Variants in CARNMT1 observed in about 807,000 individuals in gnomAD.
CARNMT1 encodes the protein protein-L-histidine N-pros-methyltransferase CARNMT1.
CARNMT1 carries 28 observed loss-of-function variants against 49.6 expected under a neutral mutation model. The observed-to-expected ratio is 0.56, with a 90% CI of 0.42 to 0.77. The LOEUF (loss-of-function observed/expected upper bound fraction) is 0.77, where lower values mean the gene tolerates loss of function less well. Ranked by LOEUF, CARNMT1 falls within the 30% of genes least tolerant of loss-of-function variation. The pLI, the probability that CARNMT1 is intolerant of heterozygous loss-of-function variation, is 0.00. For synonymous variants in CARNMT1, 178 were observed against 175.0 expected (o/e 1.02, Z -0.13); for missense variants, 421 against 512.6 (o/e 0.82, Z 1.73).
At position 75,028,186 on chromosome 9, in the gene CARNMT1, C is replaced by T; in HGVS notation, c.56G>A (p.Gly19Glu). The change falls in exon 1 of 8, where the codon GGG (glycine) becomes GAG (glutamate). Residue 19 changes from glycine (G) to glutamate (E), a missense_variant. By Grantham distance (98) the Gly-to-Glu change is moderately conservative (BLOSUM62 -2). This residue lies in a region of CARNMT1 where 186 missense variants were observed against 167.9 expected (regional missense o/e 1.11). Transcript: ENST00000376834. Reference sequence around the variant, plus strand: ...CTCCTCGCTGCCACCGCCTCCTCCCCCGCAGCCCTCGGGCAGCCGGGAGGT... The same window carrying T: ...CTCCTCGCTGCCACCGCCTCCTCCCTCGCAGCCCTCGGGCAGCCGGGAGGT... The part of the protein sequence containing the change: ...PPTSRLPEGC[G>E]GGGGGSEEVE... The T allele has an allele frequency of 2.7e-6, 4 of 1,507,496 alleles. No homozygotes were observed. In the South Asian group the frequency reaches 5.0e-5, roughly 19 times the overall value. The allele number at this position is 1,507,496 out of a possible 1,614,324, so 93.4% of individuals were successfully genotyped here. A position where few individuals can be genotyped will look rare whatever the true frequency, so the allele number is the denominator to read the frequency against.
intron 1 of CARNMT1, among the ~76,000 whole-genome samples, chr9:75,021,158 G>A (rs1822339377): frequency 1.3e-5 from 2 of 150,682 alleles, no homozygotes; most frequent in Admixed American, 1.3e-4. Context: ...AAAAGATTTA[G>A]CCCAACAGCT....
chr9:75,003,023 C>A (rs1587273396), intron 3 of CARNMT1, among the ~76,000 whole-genome samples: 1 of 152,240 alleles, frequency 6.6e-6, no homozygotes, highest in East Asian at 1.9e-4. Flanking sequence ...CAGGCATGAG[C>A]CACCACACCC....
At chr9:75,023,935 C>G (rs1231794851) in intron 1 of CARNMT1, among the ~76,000 whole-genome samples, 1 of 152,214 alleles carries the variant, frequency 6.6e-6, no homozygotes, top group Non-Finnish European at 1.5e-5. Flanking sequence ...TGGTTCTGAA[C>G]TAAGTCAGCA....
At chr9:74,997,142 A>G (rs1833211389) in intron 5 of CARNMT1, among the ~76,000 whole-genome samples, 1 of 152,184 alleles carries the variant, frequency 6.6e-6, no homozygotes, top group Non-Finnish European at 1.5e-5. Flanking sequence ...TGCTGGTGCA[A>G]TAAAGGCACT....
At chr9:74,995,528 G>A (rs1833162075) in intron 6 of CARNMT1, among the ~76,000 whole-genome samples, 1 of 152,036 alleles carries the variant, frequency 6.6e-6, no homozygotes, top group South Asian at 2.1e-4. Context: ...GCTTTCATCT[G>A]GTCCTAAGGA....
intron 3 of CARNMT1, among the ~76,000 whole-genome samples, chr9:75,004,336 T>C (rs1833444174): frequency 6.6e-6 from 1 of 152,224 alleles, no homozygotes; most frequent in Non-Finnish European, 1.5e-5. Context: ...CATCTTAACG[T>C]GGTTTTTACA....
At chr9:74,996,419 A>C (rs756055581) in intron 6 of CARNMT1, 28 bp downstream of exon 6, 15 of 1,237,262 alleles carry the variant, frequency 1.2e-5, no homozygotes, top group Non-Finnish European at 7.0e-6. Context: ...TTAATATACA[A>C]AATTTTAGTA....
chr9:74,999,149 T>A (rs939349564), intron 4 of CARNMT1, among the ~76,000 whole-genome samples: 2 of 152,180 alleles, frequency 1.3e-5, no homozygotes, highest in African/African-American at 2.4e-5. Flanking sequence ...TTTCCCTTTT[T>A]CACCAATCCC....
intron 3 of CARNMT1, among the ~76,000 whole-genome samples, chr9:75,012,332 G>GCTGGAGTT (rs1833718354): frequency 1.3e-5 from 2 of 150,592 alleles, no homozygotes; most frequent in African/African-American, 4.9e-5. Flanking sequence ...TACTGGCCAG[G>GCTGGAGTT]CTGGAGTTCA....
intron 3 of CARNMT1, 135 bp downstream of exon 3, chr9:75,016,133 T>C (rs911303817): frequency 3.2e-6 from 2 of 629,716 alleles, no homozygotes; most frequent in African/African-American, 1.8e-5. Context: ...CAATAACAAA[T>C]GTTAACACTT....
intron 3 of CARNMT1, among the ~76,000 whole-genome samples, chr9:75,001,904 G>A (rs993086057): frequency 6.6e-6 from 1 of 152,100 alleles, no homozygotes; most frequent in Non-Finnish European, 1.5e-5. Context: ...CTTAAACCAG[G>A]CTGAATTTTT....
chr9:75,006,933 A>G (rs902955831), intron 3 of CARNMT1, among the ~76,000 whole-genome samples: 2 of 152,154 alleles, frequency 1.3e-5, no homozygotes, highest in African/African-American at 4.8e-5. Context: ...ACACTGTTAT[A>G]CTAATTAATG....
intron 1 of CARNMT1, among the ~76,000 whole-genome samples, chr9:75,022,161 A>G (rs1327610481): frequency 1.3e-5 from 2 of 151,860 alleles, no homozygotes; most frequent in East Asian, 1.9e-4. Context: ...ATAATTTAGG[A>G]AAAAAATTAG....
intron 6 of CARNMT1, among the ~76,000 whole-genome samples, chr9:74,989,285 A>T (rs1314749835): frequency 1.3e-5 from 2 of 151,554 alleles, no homozygotes; most frequent in African/African-American, 4.9e-5. Context: ...TAATTTTTAA[A>T]CTTTTTTTTT....
chr9:75,011,661 C>A (rs1342488889), intron 3 of CARNMT1, among the ~76,000 whole-genome samples: 1 of 152,204 alleles, frequency 6.6e-6, no homozygotes, highest in African/African-American at 2.4e-5. Context: ...AGCCTTGACA[C>A]CCAGCTCTGT....
intron 1 of CARNMT1, among the ~76,000 whole-genome samples, chr9:75,024,073 T>C (rs2118878275): frequency 6.6e-6 from 1 of 152,304 alleles, no homozygotes; most frequent in South Asian, 2.1e-4. Context: ...TCAACTCTGA[T>C]TTAGTCACCT....
intron 6 of CARNMT1, chr9:74,996,156 G>A (rs1833183076): frequency 8.7e-6 from 2 of 230,172 alleles, no homozygotes; most frequent in East Asian, 2.1e-4. Context: ...CTCAGCATGT[G>A]GGATGGTGAT....
intron 1 of CARNMT1, among the ~76,000 whole-genome samples, chr9:75,026,872 G>A (rs1200582262): frequency 6.6e-6 from 1 of 152,142 alleles, no homozygotes; most frequent in African/African-American, 2.4e-5. Flanking sequence ...GTTAAAAATA[G>A]AGCTTAAACA....
Position 74,999,842 on chromosome 9 carries a change from G to A in CARNMT1, c.619C>T (p.Pro207Ser). Residue 207 changes from proline (P) to serine (S), a missense_variant, in exon 4 of 8, where the codon CCT becomes TCT. By Grantham distance (74) the Pro-to-Ser change is moderately conservative. Around this residue, in one of 2 missense-constraint regions of CARNMT1, gnomAD observed 235 missense variants for 344.8 expected, o/e 0.68. Coordinates refer to ENST00000376834, the MANE Select transcript of CARNMT1 (RefSeq NM_152420.3). Reference protein sequence around the residue: ...WDPSKVNILVPGAGLGRLAWE... With the variant: ...WDPSKVNILVSGAGLGRLAWE... Reference sequence around the variant, plus strand: ...GCCAGTCTTCCTAGTCCAGCACCAGGTACCAGAATATTTACTTTAGAAGGA... The same window carrying A: ...GCCAGTCTTCCTAGTCCAGCACCAGATACCAGAATATTTACTTTAGAAGGA... 6.2e-7 allele frequency: 1 copy of A among 1,610,246 alleles called. No individual in the cohort carries two copies. Among genetic ancestry groups the A allele is most frequent in the Non-Finnish European group, 8.5e-7 (1 of 1,178,142 alleles).
Sources: gnomAD v4.1 joint callset for allele counts (sites outside exome capture counted in the v4.1 genomes callset) on GRCh38, gnomAD v4.1.1 for gene constraint, gnomAD v4.1.1 regional missense constraint, MANE v1.5 for transcripts, NCBI Gene and HGNC (gene_info 2026-07-23, HGNC 2026-07-21) for gene names.